The following ZBTB2 variants were observed in gnomAD, a reference collection of about 807,000 sequenced individuals.
The protein encoded by ZBTB2 is zinc finger and BTB domain containing 2.
A neutral mutation model predicts 39.5 loss-of-function variants in ZBTB2; 2 were observed. The observed-to-expected ratio is 0.05, with a 90% CI of 0.02 to 0.16. The LOEUF (loss-of-function observed/expected upper bound fraction) is 0.16, where lower values mean the gene tolerates loss of function less well. Among genes scored for constraint, ZBTB2 ranks in the 10% least tolerant of loss-of-function variants. The pLI is 1.00. For synonymous variants in ZBTB2, 251 were observed against 256.6 expected (o/e 0.98, Z 0.21); for missense variants, 391 against 653.0 (o/e 0.60, Z 4.37).
intron 1 of ZBTB2, among the ~76,000 whole-genome samples, chr6:151,387,511 G>C (rs1461132605): frequency 1.3e-5 from 2 of 152,014 alleles, no homozygotes; most frequent in Admixed American, 1.3e-4. Context: ...AATCACTTTG[G>C]GGACTCAGAG....
intron 1 of ZBTB2, among the ~76,000 whole-genome samples, chr6:151,374,975 C>G (rs1298378320): frequency 6.8e-6 from 1 of 147,524 alleles, no homozygotes; most frequent in Admixed American, 6.8e-5. Context: ...AAAAAATTAG[C>G]TGGGCGTGGT....
rs761563500 is a variant in ZBTB2, at chr6:151,365,393, A to C, written c.*128T>G. 1.9e-5 allele frequency: 21 copies of C among 1,087,902 alleles called. No individual in the cohort carries two copies. The highest frequency in any genetic ancestry group is 2.8e-5 in the Non-Finnish European group (21 of 760,482). The allele number at this position is 1,087,902 out of a possible 1,614,324, so 67.4% of individuals were successfully genotyped here. On this transcript the variant is annotated 3_prime_UTR_variant, in exon 3 of 3. Transcript: ENST00000325144. The surrounding 1 kb of genome is among the most constrained non-coding windows in gnomAD (Gnocchi z 5.6). ...CAGAGGTGGGGCTGGGATGTGGAAAAGGGGAAGAGGAGAAGAGAACAAGGA... is the reference window on the plus strand; with the variant it reads ...CAGAGGTGGGGCTGGGATGTGGAAACGGGGAAGAGGAGAAGAGAACAAGGA...
intron 1 of ZBTB2, among the ~76,000 whole-genome samples, chr6:151,375,144 A>G (rs913794455): frequency 3.4e-4 from 51 of 152,164 alleles, no homozygotes; most frequent in African/African-American, 1.2e-3. Flanking sequence ...AAACAAAACA[A>G]AAAAGACCTT....
chr6:151,384,068 T>C (rs1229810531), intron 1 of ZBTB2, among the ~76,000 whole-genome samples: 2 of 152,214 alleles, frequency 1.3e-5, no homozygotes, highest in Admixed American at 6.5e-5. Flanking sequence ...TTATCCTAGA[T>C]TGACCTAAAA....
intron 2 of ZBTB2, 66 bp downstream of exon 2, chr6:151,373,399 G>A: frequency 6.4e-7 from 1 of 1,570,952 alleles, no homozygotes; most frequent in Non-Finnish European, 8.7e-7. Context: ...TGGTCTTGAT[G>A]AGGGCCAGGG....
At chr6:151,391,275 T>C in intron 1 of ZBTB2, 145 bp downstream of exon 1, 1 of 151,296 alleles carries the variant, frequency 6.6e-6, no homozygotes, top group Non-Finnish European at 1.5e-5. Context: ...GGTACGAGGG[T>C]CATTCGTCGT....
At position 151,364,269 on chromosome 6, in the gene ZBTB2, C is replaced by T. The variant is rs1778589098; in HGVS notation, c.*1252G>A. The T allele has an allele frequency of 6.6e-6, 1 of 152,450 alleles. No homozygotes were observed. The highest frequency in any genetic ancestry group is 2.4e-5 in the African/African-American group (1 of 41,388). 9.4% of individuals were successfully genotyped at this position (152,450 alleles called of 1,614,324 possible). A position where few individuals can be genotyped will look rare whatever the true frequency, so the allele number is the denominator to read the frequency against. On this transcript the variant is annotated 3_prime_UTR_variant, in exon 3 of 3. Transcript: ENST00000325144. ...GCTATTCTCCCCTTCTCCTTCAGTC[C>T]TTACTTCTGGCTCCTGTTTTGTCTT...
Position 151,373,655 on chromosome 6 carries a change from A to G in ZBTB2, c.-12-6T>C. 1 of 1,609,762 alleles carries G rather than the reference A, an allele frequency of 6.2e-7. No individual in the cohort carries two copies. Among genetic ancestry groups the G allele is most frequent in the Non-Finnish European group, 8.5e-7 (1 of 1,177,296 alleles). On this transcript the variant is annotated splice_region_variant and splice_polypyrimidine_tract_variant and intron_variant, in intron 1 of 2. Coordinates refer to ENST00000325144, the MANE Select transcript of ZBTB2 (RefSeq NM_020861.3). ...AAATCCATTTTTTAAAAAATCTGCAAAGCAAACAATTTTATTTTTAAGAAG... is the reference window on the plus strand; with the variant it reads ...AAATCCATTTTTTAAAAAATCTGCAGAGCAAACAATTTTATTTTTAAGAAG...
At chr6:151,374,083 A>G (rs1218800013) in intron 1 of ZBTB2, among the ~76,000 whole-genome samples, 1 of 152,064 alleles carries the variant, frequency 6.6e-6, no homozygotes, top group African/African-American at 2.4e-5. Flanking sequence ...AAGATTCCAA[A>G]TGGAAATTCT....
intron 1 of ZBTB2, 21 bp downstream of exon 1, chr6:151,391,399 G>A (rs1347628579): frequency 6.6e-6 from 1 of 151,868 alleles, no homozygotes; most frequent in African/African-American, 2.4e-5. Context: ...GCCCCGGGAG[G>A]CGGAGGCGGT....
chr6:151,370,839 G>A (rs143610734), intron 2 of ZBTB2, among the ~76,000 whole-genome samples: 169 of 152,334 alleles, frequency 1.1e-3, no homozygotes, highest in East Asian at 9.4e-3. Flanking sequence ...GCACTAGGAG[G>A]CAGGCAAAGC....
At position 151,370,125 on chromosome 6, in the gene ZBTB2, TG is replaced by T. The variant is rs1158294733; in HGVS notation, c.174-3234del. 3 of 972,876 alleles carry T rather than the reference TG, an allele frequency of 3.1e-6. No individual in the cohort carries two copies. The African/African-American group carries it at 5.3e-5, about 17-fold the overall frequency. 60.3% of individuals were successfully genotyped at this position (972,876 alleles called of 1,614,324 possible). On this transcript the variant is annotated intron_variant, in intron 2 of 2. Transcript: ENST00000325144. ...CTTACATCTAAGTAGTTTCCAGATA[TG>T]TTTGACATAACATTTTTTTTTGTTT...
At position 151,366,650 on chromosome 6, in the gene ZBTB2, T is replaced by C. The variant is rs761492302; in HGVS notation, c.416A>G (p.Asp139Gly). The part of the protein sequence containing the change: ...ASSLYGIQIA[D>G]HQLRQATKIA... ...CTTGGTGGCTTGTCTCAACTGATGA[T>C]CTGCAATCTGAATGCCATACAATGA... The change falls in exon 3 of 3, where the codon GAT (aspartate) becomes GGT (glycine). Residue 139 changes from aspartate to glycine, a missense_variant. Asp to Gly is a moderately conservative substitution (Grantham distance 94, BLOSUM62 -1). Coordinates refer to ENST00000325144, the MANE Select transcript of ZBTB2 (RefSeq NM_020861.3). The surrounding 1 kb of genome is among the most constrained non-coding windows in gnomAD (Gnocchi z 7.1). 2 of 1,614,104 alleles carry C rather than the reference T, an allele frequency of 1.2e-6. No homozygotes were observed. The highest frequency in any genetic ancestry group is 1.7e-6 in the Non-Finnish European group (2 of 1,180,008).
intron 1 of ZBTB2, among the ~76,000 whole-genome samples, chr6:151,377,135 A>G (rs559313984): frequency 3.5e-5 from 5 of 142,414 alleles, no homozygotes; most frequent in African/African-American, 1.1e-4. Context: ...AATTATGGAA[A>G]GGGAGAACAG....
intron 2 of ZBTB2, among the ~76,000 whole-genome samples, chr6:151,370,385 T>C (rs1373503691): frequency 6.6e-6 from 1 of 152,208 alleles, no homozygotes; most frequent in African/African-American, 2.4e-5. Flanking sequence ...AAGATGAATA[T>C]AGTTTTACTA....
intron 1 of ZBTB2, among the ~76,000 whole-genome samples, chr6:151,377,421 T>A (rs1004075014): frequency 6.7e-6 from 1 of 149,224 alleles, no homozygotes; most frequent in South Asian, 2.1e-4. Flanking sequence ...CAGGCTGGAG[T>A]GCAATGGCAC....
intron 2 of ZBTB2, among the ~76,000 whole-genome samples, chr6:151,371,602 A>C (rs1778790316): frequency 6.6e-6 from 1 of 152,166 alleles, no homozygotes; most frequent in Admixed American, 6.5e-5. Context: ...GCCCAGTCGC[A>C]GATGAGACTA....
At chr6:151,385,542 T>G (rs544061115) in intron 1 of ZBTB2, among the ~76,000 whole-genome samples, 1 of 152,328 alleles carries the variant, frequency 6.6e-6, no homozygotes, top group Non-Finnish European at 1.5e-5. Context: ...TTGTGGAAAT[T>G]GTTGATTCAG....
At position 151,364,147 on chromosome 6, in the gene ZBTB2, G is replaced by A. The variant is rs1778587210; in HGVS notation, c.*1374C>T. The A allele has an allele frequency of 6.6e-6, 1 of 152,416 alleles. No individual in the cohort carries two copies. The highest frequency in any genetic ancestry group is 2.4e-5 in the African/African-American group (1 of 41,382). 9.4% of individuals were successfully genotyped at this position (152,416 alleles called of 1,614,324 possible). ...TTAATTAAACGTTTATTCAATGAAA[G>A]GATGTATAAAAACTTACAAATTTGA... On this transcript the variant is annotated 3_prime_UTR_variant, in exon 3 of 3. Transcript: ENST00000325144.
Sources: allele counts gnomAD v4.1 joint callset (sites outside exome capture counted in the v4.1 genomes callset), GRCh38; gene constraint gnomAD v4.1.1; non-coding constraint Gnocchi (gnomAD v3.1); transcripts MANE v1.5; gene names NCBI Gene and HGNC (gene_info 2026-07-23, HGNC 2026-07-21).